HS3ST4: variants seen among roughly 807,000 people sequenced by gnomAD.
HS3ST4 encodes the protein heparan sulfate glucosamine 3-O-sulfotransferase 4.
HS3ST4 carries 17 observed loss-of-function variants against 29.2 expected under a neutral mutation model. That is an observed-to-expected ratio of 0.58 (90% CI 0.40 to 0.87). The LOEUF (loss-of-function observed/expected upper bound fraction) is 0.87, where lower values mean the gene tolerates loss of function less well. Ranked by LOEUF, HS3ST4 falls within the 40% of genes least tolerant of loss-of-function variation. The pLI is 0.00. For synonymous variants in HS3ST4, 314 were observed against 285.7 expected, an observed-to-expected ratio of 1.10 and a Z score of -1.00; for missense variants, 627 against 634.5, an observed-to-expected ratio of 0.99 and a Z score of 0.13.
chr16:25,902,017 C>G (rs1189817427), intron 1 of HS3ST4, among the ~76,000 whole-genome samples: 1 of 152,186 alleles, frequency 6.6e-6, no homozygotes, highest in Non-Finnish European at 1.5e-5. Context: ...CTGCTTATGT[C>G]TACCTCTGCA....
At chr16:25,951,081 A>G (rs1253596957) in intron 1 of HS3ST4, among the ~76,000 whole-genome samples, 1 of 152,142 alleles carries the variant, frequency 6.6e-6, no homozygotes, top group African/African-American at 2.4e-5. Context: ...CTCCTTCTGT[A>G]AACACTGACC....
At chr16:25,891,455 A>C (rs924624907) in intron 1 of HS3ST4, among the ~76,000 whole-genome samples, 41 of 152,190 alleles carry the variant, frequency 2.7e-4, no homozygotes, top group African/African-American at 9.9e-4. Flanking sequence ...CCTTGGAGAG[A>C]TCTTTACTTA....
intron 1 of HS3ST4, among the ~76,000 whole-genome samples, chr16:26,123,895 T>G (rs1299994306): frequency 6.6e-6 from 1 of 152,198 alleles, no homozygotes; most frequent in Non-Finnish European, 1.5e-5. Flanking sequence ...ATATACCATC[T>G]TTCCTATTTT....
intron 1 of HS3ST4, among the ~76,000 whole-genome samples, chr16:25,975,172 A>G (rs1026021213): frequency 2.6e-5 from 4 of 152,104 alleles, no homozygotes; most frequent in Non-Finnish European, 4.4e-5. Flanking sequence ...CCACGATCCC[A>G]TGCAAATTCA....
chr16:25,788,344 G>A (rs1256461094), intron 1 of HS3ST4, among the ~76,000 whole-genome samples: 1 of 151,740 alleles, frequency 6.6e-6, no homozygotes, highest in Non-Finnish European at 1.5e-5. Context: ...GAACCTGGGA[G>A]GCGGAGGTTG....
chr16:25,924,158 C>A (rs12149575), intron 1 of HS3ST4, among the ~76,000 whole-genome samples: 11,643 of 152,120 alleles, frequency 0.077, 564 homozygotes, highest in Non-Finnish European at 0.096. Context: ...TGTAAACGGC[C>A]GTTTAGTTGT....
chr16:25,791,273 C>T (rs1966868661), intron 1 of HS3ST4, among the ~76,000 whole-genome samples: 1 of 152,130 alleles, frequency 6.6e-6, no homozygotes. Context: ...GCCAATTTCA[C>T]ACCATTTTAG....
At position 25,692,979 on chromosome 16, in the gene HS3ST4, A is replaced by G. The variant is rs1966267880; in HGVS notation, c.562A>G (p.Ser188Gly). The G allele has an allele frequency of 6.2e-7, 1 of 1,611,060 alleles. No individual in the cohort carries two copies. Among genetic ancestry groups the G allele is most frequent in the African/African-American group, 1.3e-5 (1 of 75,014 alleles). ...NGSSERGGAVSTPDYGEKKLP... is the reference protein window; with the variant it reads ...NGSSERGGAVGTPDYGEKKLP... ...GAGCAGCGAGAGGGGCGGCGCCGTCAGCACCCCCGACTATGGGGAGAAGAA... is the reference window on the plus strand; with the variant it reads ...GAGCAGCGAGAGGGGCGGCGCCGTCGGCACCCCCGACTATGGGGAGAAGAA... The change falls in exon 1 of 2, where the codon AGC becomes GGC. Residue 188 changes from serine (S) to glycine (G), a missense_variant. Coordinates refer to ENST00000331351, the MANE Select transcript of HS3ST4 (RefSeq NM_006040.3).
chr16:25,885,645 T>C (rs1162645734), intron 1 of HS3ST4, among the ~76,000 whole-genome samples: 1 of 152,140 alleles, frequency 6.6e-6, no homozygotes, highest in Non-Finnish European at 1.5e-5. Flanking sequence ...TCACAAATTT[T>C]TGTCATATCC....
chr16:25,793,167 A>T (rs565385154), intron 1 of HS3ST4, among the ~76,000 whole-genome samples: 1 of 151,986 alleles, frequency 6.6e-6, no homozygotes, highest in Admixed American at 6.5e-5. Context: ...TGATGTTTGG[A>T]TTTACTTTGT....
chr16:25,730,581 C>CCCTT (rs1006338174), intron 1 of HS3ST4, among the ~76,000 whole-genome samples: 2 of 118,386 alleles, frequency 1.7e-5, no homozygotes, highest in African/African-American at 6.4e-5. Flanking sequence ...CCTTCTTCCT[C>CCCTT]CCTTCTCCTT....
At chr16:25,910,215 C>A (rs1170071706) in intron 1 of HS3ST4, among the ~76,000 whole-genome samples, 1 of 152,164 alleles carries the variant, frequency 6.6e-6, no homozygotes, top group African/African-American at 2.4e-5. Flanking sequence ...GGTTATTTGG[C>A]AGGAGTTGGC....
At chr16:25,698,278 G>T (rs184927122) in intron 1 of HS3ST4, among the ~76,000 whole-genome samples, 2 of 152,092 alleles carry the variant, frequency 1.3e-5, no homozygotes, top group Non-Finnish European at 2.9e-5. Context: ...CCTCTCTTTG[G>T]AGGTGATGTA....
chr16:25,910,409 G>A (rs545036763), intron 1 of HS3ST4, among the ~76,000 whole-genome samples: 1 of 152,280 alleles, frequency 6.6e-6, no homozygotes, highest in Non-Finnish European at 1.5e-5. Flanking sequence ...GGGAGGCCGA[G>A]GCGGGCAGAT....
chr16:25,996,070 T>C (rs549419372), intron 1 of HS3ST4, among the ~76,000 whole-genome samples: 1 of 150,680 alleles, frequency 6.6e-6, no homozygotes, highest in South Asian at 2.1e-4. Flanking sequence ...CAAATAATAA[T>C]ACAGGAAATT....
intron 1 of HS3ST4, among the ~76,000 whole-genome samples, chr16:25,736,432 A>G (rs1204486791): frequency 6.6e-6 from 1 of 152,226 alleles, no homozygotes; most frequent in Non-Finnish European, 1.5e-5. Flanking sequence ...TATGGCACAT[A>G]TAAAATTCTT....
intron 1 of HS3ST4, among the ~76,000 whole-genome samples, chr16:25,824,193 T>C (rs1259505631): frequency 6.6e-6 from 1 of 151,824 alleles, no homozygotes; most frequent in Non-Finnish European, 1.5e-5. Context: ...TAGGGAGGCC[T>C]GGCTCAGACA....
At chr16:26,107,416 T>C (rs562630754) in intron 1 of HS3ST4, among the ~76,000 whole-genome samples, 1 of 152,242 alleles carries the variant, frequency 6.6e-6, no homozygotes, top group Admixed American at 6.5e-5. Flanking sequence ...CAATAGCTTT[T>C]GGGGTACAAG....
chr16:25,849,969 G>T (rs1967501385), intron 1 of HS3ST4, among the ~76,000 whole-genome samples: 1 of 147,270 alleles, frequency 6.8e-6, no homozygotes, highest in Non-Finnish European at 1.5e-5. Context: ...TTTGTTTTAT[G>T]TCGTATAATG....
Sources: gnomAD v4.1 joint callset for allele counts (sites outside exome capture counted in the v4.1 genomes callset) on GRCh38, gnomAD v4.1.1 for gene constraint, MANE v1.5 for transcripts, NCBI Gene and HGNC (gene_info 2026-07-23, HGNC 2026-07-21) for gene names.